Variants in ARHGAP15 observed in about 807,000 individuals in gnomAD.
ARHGAP15 encodes the protein Rho GTPase activating protein 15.
Under a neutral mutation model 63.7 loss-of-function variants are expected in ARHGAP15, and 51 were observed. The ratio of observed to expected loss-of-function variants is 0.80; its 90% CI spans 0.64 to 1.01. ARHGAP15 has a LOEUF of 1.01. ARHGAP15 is among the 50% of genes least tolerant of loss of function. The pLI is 0.00. For missense variants in ARHGAP15, 560 were observed against 564.6 expected (o/e 0.99, Z 0.08); for synonymous variants, 191 against 193.8 (o/e 0.99, Z 0.12).
At chr2:143,306,282 A>G (rs1010040756) in intron 6 of ARHGAP15, among the ~76,000 whole-genome samples, 1 of 152,178 alleles carries the variant, frequency 6.6e-6, no homozygotes, top group African/African-American at 2.4e-5. Flanking sequence ...AACAGTGGTT[A>G]CTACAGTGTT....
chr2:143,337,458 C>T (rs1385734759), intron 6 of ARHGAP15, among the ~76,000 whole-genome samples: 1 of 152,082 alleles, frequency 6.6e-6, no homozygotes, highest in Non-Finnish European at 1.5e-5. Context: ...TTTTGCATTA[C>T]GTTCTGGATT....
chr2:143,261,537 C>T (rs966271575), intron 6 of ARHGAP15, among the ~76,000 whole-genome samples: 12 of 150,584 alleles, frequency 8.0e-5, no homozygotes, highest in South Asian at 2.1e-4. Context: ...TTAGTAGAGA[C>T]GGGGTTTCAC....
chr2:143,540,093 G>C (rs1181558830), intron 10 of ARHGAP15, among the ~76,000 whole-genome samples: 1 of 152,168 alleles, frequency 6.6e-6, no homozygotes, highest in African/African-American at 2.4e-5. Context: ...ATTTAGGATA[G>C]TTAGTTCTTC....
intron 13 of ARHGAP15, among the ~76,000 whole-genome samples, chr2:143,762,410 C>CA (rs1686792143): frequency 6.6e-6 from 1 of 152,142 alleles, no homozygotes; most frequent in African/African-American, 2.4e-5. Context: ...TCAAACTTTA[C>CA]AACACAGTTA....
intron 11 of ARHGAP15, among the ~76,000 whole-genome samples, chr2:143,592,976 A>C (rs1697379324): frequency 6.6e-6 from 1 of 152,274 alleles, no homozygotes; most frequent in Non-Finnish European, 1.5e-5. Context: ...CCATAAAGAG[A>C]CACTTTTGTT....
chr2:143,669,215 A>C (rs1018248644), intron 12 of ARHGAP15, among the ~76,000 whole-genome samples: 1 of 152,218 alleles, frequency 6.6e-6, no homozygotes, highest in African/African-American at 2.4e-5. Context: ...TCAGGTATAG[A>C]AAACTTATTT....
At chr2:143,631,278 CTG>C (rs1006049787) in intron 12 of ARHGAP15, among the ~76,000 whole-genome samples, 10 of 152,100 alleles carry the variant, frequency 6.6e-5, no homozygotes, top group African/African-American at 2.4e-4. Context: ...ATTTACAAAT[CTG>C]TGAACATTTA....
At chr2:143,729,721 C>A (rs529064876) in intron 13 of ARHGAP15, among the ~76,000 whole-genome samples, 1 of 152,276 alleles carries the variant, frequency 6.6e-6, no homozygotes, top group African/African-American at 2.4e-5. Context: ...AAGTTACAAG[C>A]TAAGATAGAT....
intron 6 of ARHGAP15, among the ~76,000 whole-genome samples, chr2:143,431,022 C>T (rs1344957764): frequency 1.3e-5 from 2 of 151,884 alleles, no homozygotes; most frequent in Non-Finnish European, 1.5e-5. Context: ...TGTAGATAAC[C>T]CAATTCAGTC....
At chr2:143,143,816 A>T (rs1199193276) in intron 1 of ARHGAP15, among the ~76,000 whole-genome samples, 2 of 151,734 alleles carry the variant, frequency 1.3e-5, no homozygotes, top group African/African-American at 4.8e-5. Flanking sequence ...TGTTACCTAG[A>T]TAAACTTGTG....
intron 2 of ARHGAP15, among the ~76,000 whole-genome samples, chr2:143,192,409 C>A (rs889968865): frequency 1.3e-5 from 2 of 152,216 alleles, no homozygotes; most frequent in East Asian, 3.9e-4. Context: ...AATTCAATCA[C>A]CCCTAAATAA....
At chr2:143,163,537 A>G (rs1333367257) in intron 2 of ARHGAP15, among the ~76,000 whole-genome samples, 1 of 151,990 alleles carries the variant, frequency 6.6e-6, no homozygotes, top group African/African-American at 2.4e-5. Flanking sequence ...AAGCTGAAAT[A>G]TCAAGATTGC....
At chr2:143,190,915 C>T (rs1459952870) in intron 2 of ARHGAP15, among the ~76,000 whole-genome samples, 3 of 152,200 alleles carry the variant, frequency 2.0e-5, no homozygotes, top group African/African-American at 4.8e-5. Context: ...AGACTACAGG[C>T]GTGCGTCACC....
chr2:143,521,647 T>G (rs1241955471), intron 10 of ARHGAP15, among the ~76,000 whole-genome samples: 3 of 152,118 alleles, frequency 2.0e-5, no homozygotes, highest in Non-Finnish European at 4.4e-5. Flanking sequence ...TGCAGAGTCA[T>G]GGGAAATGCT....
At position 143,611,608 on chromosome 2, in the gene ARHGAP15, A is replaced by G. The variant is rs956687365; in HGVS notation, c.1004-12525A>G. Among the ~76,000 whole-genome samples the G allele has an allele frequency of 2.6e-5, 4 of 152,234 alleles. No individual in the cohort carries two copies. In the East Asian group the frequency reaches 7.7e-4, roughly 29 times the overall value. The stretch of plus-strand genomic sequence containing the variant: ...TTATTATTACTCAACTTTCACTTCT[A>G]TGCTGATAATTTTCAAATTTGTCTG... On this transcript the variant is annotated intron_variant, in intron 11 of 13. Coordinates refer to ENST00000295095, the MANE Select transcript of ARHGAP15 (RefSeq NM_018460.4).
intron 3 of ARHGAP15, 45 bp from the exon 4 acceptor site, chr2:143,216,339 G>A: frequency 7.1e-7 from 1 of 1,416,822 alleles, no homozygotes. Flanking sequence ...AATCAACAAT[G>A]CATAGTAGTT....
chr2:143,197,592 A>T (rs1175843600), intron 2 of ARHGAP15, among the ~76,000 whole-genome samples: 5 of 152,028 alleles, frequency 3.3e-5, no homozygotes, highest in Non-Finnish European at 5.9e-5. Context: ...GCCATTTTGG[A>T]TCCAGAATTT....
chr2:143,583,533 G>T (rs573679039), intron 11 of ARHGAP15, among the ~76,000 whole-genome samples: 2 of 152,238 alleles, frequency 1.3e-5, no homozygotes, highest in South Asian at 2.1e-4. Context: ...CAAAAATGGG[G>T]GGGGTGGAAG....
At chr2:143,694,904 T>G (rs1203989794) in intron 12 of ARHGAP15, among the ~76,000 whole-genome samples, 1 of 152,216 alleles carries the variant, frequency 6.6e-6, no homozygotes. Flanking sequence ...CACATTTTTC[T>G]TAATTGTGAT....
Sources: gnomAD v4.1 joint callset for allele counts (sites outside exome capture counted in the v4.1 genomes callset) on GRCh38, gnomAD v4.1.1 for gene constraint, MANE v1.5 for transcripts, NCBI Gene and HGNC (gene_info 2026-07-23, HGNC 2026-07-21) for gene names.